CNTNAP2: variants seen among roughly 807,000 people sequenced by gnomAD.
CNTNAP2 encodes the protein contactin-associated protein-like 2.
Under a neutral mutation model 155.2 loss-of-function variants are expected in CNTNAP2, and 98 were observed. The ratio of observed to expected loss-of-function variants is 0.63; its 90% CI spans 0.54 to 0.75. The LOEUF (loss-of-function observed/expected upper bound fraction) is 0.75, where lower values mean the gene tolerates loss of function less well. Ranked by LOEUF, CNTNAP2 falls within the 30% of genes least tolerant of loss-of-function variation. The pLI is 0.00. For missense variants in CNTNAP2, 1,727 were observed against 1,688.1 expected, an observed-to-expected ratio of 1.02 and a Z score of -0.40; for synonymous variants, 651 against 631.2, an observed-to-expected ratio of 1.03 and a Z score of -0.47.
At chr7:146,667,566 A>G (rs892758665) in intron 1 of CNTNAP2, among the ~76,000 whole-genome samples, 1 of 151,956 alleles carries the variant, frequency 6.6e-6, no homozygotes, top group African/African-American at 2.4e-5. Context: ...TTTCGATAGT[A>G]TGGCCATTTT....
rs1795324521 is a variant in CNTNAP2, at chr7:147,320,260, A to G, written c.1498+19970A>G. On this transcript the variant is annotated intron_variant, in intron 9 of 23. Transcript: ENST00000361727. ...AAAGATGCTGAAGATATTTCTACAC[A>G]TATCCTGTCAGCCAGAGCTTAGTCC... is the stretch of plus-strand genomic sequence containing the variant. Among the ~76,000 whole-genome samples, 2 of 152,192 alleles carry G rather than the reference A, an allele frequency of 1.3e-5. 1 individual carries two copies. Among genetic ancestry groups the G allele is most frequent in the South Asian group, 4.1e-4 (2 of 4,832 alleles).
At chr7:146,836,445 AC>A (rs1483730531) in intron 2 of CNTNAP2, among the ~76,000 whole-genome samples, 1 of 152,180 alleles carries the variant, frequency 6.6e-6, no homozygotes, top group Non-Finnish European at 1.5e-5. Flanking sequence ...ATAGTATTTA[AC>A]CTTTTACAGA....
intron 3 of CNTNAP2, among the ~76,000 whole-genome samples, chr7:147,023,521 A>C (rs1798850996): frequency 6.6e-6 from 1 of 152,116 alleles, no homozygotes; most frequent in Admixed American, 6.5e-5. Flanking sequence ...AAGAATACAA[A>C]ATACTTCCAT....
chr7:147,110,725 G>A lies in CNTNAP2; in HGVS notation c.754+2375G>A, dbSNP rs575885227. On this transcript the variant is annotated intron_variant, in intron 5 of 23. Transcript: ENST00000361727. The stretch of plus-strand genomic sequence containing the variant: ...GGATCTCATTCCTTTTTATGGCTGC[G>A]TAGTATTCCATGGTGTATATGTACC... Among the ~76,000 whole-genome samples, 19 of 152,228 alleles carry A rather than the reference G, an allele frequency of 1.2e-4. 1 individual carries two copies. In the South Asian group the frequency reaches 1.9e-3, roughly 15 times the overall value.
chr7:147,284,460 A>G (rs905103256), intron 8 of CNTNAP2, among the ~76,000 whole-genome samples: 14 of 151,938 alleles, frequency 9.2e-5, no homozygotes, highest in Non-Finnish European at 2.1e-4. Context: ...GTGCATACAC[A>G]TATACAAGCA....
chr7:148,215,252 A>G (rs1795616009), intron 18 of CNTNAP2, among the ~76,000 whole-genome samples: 1 of 152,188 alleles, frequency 6.6e-6, no homozygotes, highest in African/African-American at 2.4e-5. Context: ...GGTGAAGACA[A>G]AAGTTTTTAA....
chr7:147,808,476 C>T (rs1798127527), intron 13 of CNTNAP2, among the ~76,000 whole-genome samples: 2 of 152,154 alleles, frequency 1.3e-5, no homozygotes, highest in South Asian at 4.2e-4. Context: ...CAAAGACTAC[C>T]ATATGTATAT....
intron 4 of CNTNAP2, among the ~76,000 whole-genome samples, chr7:147,078,034 C>T (rs1222618846): frequency 6.6e-6 from 1 of 152,140 alleles, no homozygotes; most frequent in Admixed American, 6.5e-5. Context: ...ATATACCTTC[C>T]TTCCTTTCAA....
intron 4 of CNTNAP2, among the ~76,000 whole-genome samples, chr7:147,085,390 C>T (rs1192542941): frequency 6.6e-6 from 1 of 152,038 alleles, no homozygotes; most frequent in Non-Finnish European, 1.5e-5. Flanking sequence ...AGATGAGTGC[C>T]CGCATTAGAT....
In CNTNAP2 at chr7:146,350,024, A is replaced by G. The variant is rs189349078; in HGVS notation, c.97+233051A>G. 3.4e-3 allele frequency among the ~76,000 whole-genome samples: 518 copies of G among 152,192 alleles called. 4 individuals are homozygous for G. Among genetic ancestry groups the G allele is most frequent in the African/African-American group, 0.012 (499 of 41,532 alleles). On this transcript the variant is annotated intron_variant, in intron 1 of 23. Transcript: ENST00000361727. ...AATCTGAATGTTGGCCTGCCTTGCT[A>G]GATTGGGGAAGTTCTTCTGGATAAT...
chr7:147,203,354 C>T (rs1202615730), intron 8 of CNTNAP2, among the ~76,000 whole-genome samples: 2 of 152,072 alleles, frequency 1.3e-5, no homozygotes, highest in Non-Finnish European at 2.9e-5. Flanking sequence ...AAGCAATTCT[C>T]CCCAGTAGCT....
At chr7:147,289,873 G>A (rs71530777) in intron 8 of CNTNAP2, among the ~76,000 whole-genome samples, 28,306 of 152,042 alleles carry the variant, frequency 0.19, 2,918 homozygotes, top group Non-Finnish European at 0.22. Flanking sequence ...GTTTGATGAC[G>A]TAGAAAACAC....
chr7:146,509,588 G>A (rs1797436219), intron 1 of CNTNAP2, among the ~76,000 whole-genome samples: 1 of 152,096 alleles, frequency 6.6e-6, no homozygotes, highest in Non-Finnish European at 1.5e-5. Flanking sequence ...GAGCCACTGG[G>A]GGAGCCCACA....
intron 14 of CNTNAP2, among the ~76,000 whole-genome samples, chr7:147,964,123 A>G (rs2707593): frequency 0.83 from 126,707 of 151,892 alleles, 53,413 homozygotes; most frequent in South Asian, 0.92. Context: ...GAAGAAACAC[A>G]GGAGAGGTTC....
intron 10 of CNTNAP2, among the ~76,000 whole-genome samples, chr7:147,480,062 A>G (rs752559714): frequency 1.8e-4 from 27 of 152,206 alleles, no homozygotes; most frequent in Non-Finnish European, 2.5e-4. Flanking sequence ...GTTGAGATCA[A>G]CATAGAAGGT....
intron 21 of CNTNAP2, among the ~76,000 whole-genome samples, chr7:148,346,873 T>G (rs1034889594): frequency 6.6e-6 from 1 of 152,110 alleles, no homozygotes; most frequent in Admixed American, 6.5e-5. Flanking sequence ...GATGGTTACC[T>G]TTAACTTACA....
At chr7:146,640,565 A>G (rs1035990605) in intron 1 of CNTNAP2, among the ~76,000 whole-genome samples, 2 of 152,188 alleles carry the variant, frequency 1.3e-5, no homozygotes, top group Non-Finnish European at 2.9e-5. Context: ...AAATTAGTTT[A>G]ATGAGAATTA....
At chr7:147,802,588 A>G (rs1489190023) in intron 13 of CNTNAP2, among the ~76,000 whole-genome samples, 9 of 152,188 alleles carry the variant, frequency 5.9e-5, no homozygotes, top group Non-Finnish European at 1.3e-4. Flanking sequence ...AGCCCGGCCA[A>G]CACAGCGAAA....
rs111679612 is a variant in CNTNAP2, at chr7:147,121,305, C to A, written c.939+142C>A. 7,737 of 769,106 alleles carry A rather than the reference C, an allele frequency of 0.01. 356 individuals are homozygous for A. The African/African-American group carries it at 0.11, about 11-fold the overall frequency. 47.6% of individuals were successfully genotyped at this position (769,106 alleles called of 1,614,324 possible). A position where few individuals can be genotyped will look rare whatever the true frequency, so the allele number is the denominator to read the frequency against. On this transcript the variant is annotated intron_variant, in intron 6 of 23. Transcript: ENST00000361727. ...AACAAGACACTGACAATTTTAAAAA[C>A]CTGATTAATTCGTTTCATTTTATTT... is the stretch of plus-strand genomic sequence containing the variant.
Sources: gnomAD v4.1 joint callset for allele counts (sites outside exome capture counted in the v4.1 genomes callset) on GRCh38, gnomAD v4.1.1 for gene constraint, MANE v1.5 for transcripts, NCBI Gene and HGNC (gene_info 2026-07-23, HGNC 2026-07-21) for gene names.